BCL7A: variants seen among roughly 807,000 people sequenced by gnomAD.
BCL7A encodes BAF chromatin remodeling complex subunit BCL7A.
In BCL7A, 11 loss-of-function variants were observed where a neutral mutation model predicts 28.4. That is an observed-to-expected ratio of 0.39 (90% CI 0.24 to 0.64). BCL7A has a LOEUF of 0.64. Ranked by LOEUF, BCL7A falls within the 30% of genes least tolerant of loss-of-function variation. The probability of loss-of-function intolerance (pLI) is 0.50; values close to 1 mark genes in which losing one functional copy is unlikely to be tolerated. For missense variants in BCL7A, 222 were observed against 274.8 expected, an observed-to-expected ratio of 0.81 and a Z score of 1.36; for synonymous variants, 123 against 103.3, an observed-to-expected ratio of 1.19 and a Z score of -1.15.
At chr12:122,037,667 A>G (rs1014900483) in intron 3 of BCL7A, among the ~76,000 whole-genome samples, 1 of 151,732 alleles carries the variant, frequency 6.6e-6, no homozygotes, top group Admixed American at 6.6e-5. Context: ...AATACAAACA[A>G]TGGGTGCGGT....
chr12:122,023,200 G>C (rs1883514664), intron 1 of BCL7A, among the ~76,000 whole-genome samples: 1 of 152,184 alleles, frequency 6.6e-6, no homozygotes, highest in Non-Finnish European at 1.5e-5. Context: ...CGCCAGGTTG[G>C]GTCAGAGTTG....
At chr12:122,030,556 G>A (rs1883720791) in intron 1 of BCL7A, 144 bp from the exon 2 acceptor site, 5 of 737,974 alleles carry the variant, frequency 6.8e-6, no homozygotes, top group Non-Finnish European at 1.2e-5. Context: ...GGCCTGCCCA[G>A]GGCCTCCCGC....
At chr12:122,041,320 G>A (rs1412194316) in intron 3 of BCL7A, among the ~76,000 whole-genome samples, 2 of 152,198 alleles carry the variant, frequency 1.3e-5, no homozygotes, top group Non-Finnish European at 2.9e-5. Context: ...CTTCTGCCCA[G>A]TGCCTGGCAT....
At position 122,022,089 on chromosome 12, in the gene BCL7A, A is replaced by G. The variant is rs1312995047; in HGVS notation, c.-3A>G. ...CCCCAGCCTCCGTCTCCCCGCCGGA[A>G]CCATGTCGGGCAGGTCGGTTCGAGC... On this transcript the variant is annotated 5_prime_UTR_variant, in exon 1 of 6. Transcript: ENST00000261822. The G allele has an allele frequency of 1.3e-6, 2 of 1,563,168 alleles. No individual in the cohort carries two copies. The highest frequency in any genetic ancestry group is 1.7e-6 in the Non-Finnish European group (2 of 1,153,376).
At chr12:122,030,297 C>T (rs76121995) in intron 1 of BCL7A, among the ~76,000 whole-genome samples, 3,081 of 152,306 alleles carry the variant, frequency 0.02, 90 homozygotes, top group African/African-American at 0.07. Context: ...GTGACGACTC[C>T]ACCCCCCATG....
chr12:122,027,339 C>T (rs1004519777), intron 1 of BCL7A, among the ~76,000 whole-genome samples: 1 of 152,316 alleles, frequency 6.6e-6, no homozygotes, highest in African/African-American at 2.4e-5. Context: ...ACTGTGCAGG[C>T]CAAACAAAAC....
rs141768211 is a variant in BCL7A at position 122,030,995 on chromosome 12, C to CG, written c.174+220dup. Among the ~76,000 whole-genome samples the CG allele has an allele frequency of 9.4e-3, 1,427 of 152,162 alleles. 18 individuals carry two copies. Among genetic ancestry groups the CG allele is most frequent in the African/African-American group, 0.031 (1,299 of 41,508 alleles). ...AGAGTCTGGCCCTCAGAGCGGTGGA[C>CG]GGGGGGATCCCGCAAGCTGTGTCTT... On this transcript the variant is annotated intron_variant, in intron 2 of 5. Coordinates refer to ENST00000261822, the MANE Select transcript of BCL7A (RefSeq NM_001024808.3).
intron 1 of BCL7A, among the ~76,000 whole-genome samples, chr12:122,022,408 C>A (rs900647485): frequency 1.4e-5 from 2 of 143,778 alleles, no homozygotes; most frequent in South Asian, 2.1e-4. Flanking sequence ...GCGCCTGTAG[C>A]CCACCTGGCG....
chr12:122,024,044 G>C (rs1593020345), intron 1 of BCL7A, among the ~76,000 whole-genome samples: 1 of 152,234 alleles, frequency 6.6e-6, no homozygotes, highest in East Asian at 1.9e-4. Flanking sequence ...TGCAGGGAGG[G>C]CAGATGGAGA....
intron 4 of BCL7A, among the ~76,000 whole-genome samples, chr12:122,050,069 C>T (rs1023224468): frequency 2.0e-5 from 3 of 152,096 alleles, no homozygotes; most frequent in Non-Finnish European, 2.9e-5. Context: ...CTCTGCCTCC[C>T]GGGTTCAACT....
chr12:122,051,040 G>A lies in BCL7A; in HGVS notation c.440-3765G>A, dbSNP rs942863295. On this transcript the variant is annotated intron_variant, in intron 4 of 5. Coordinates refer to ENST00000261822, the MANE Select transcript of BCL7A (RefSeq NM_001024808.3). ...CTGGTTTCTTTCTGGCCGTGGCCTTGTTTCTCCCACGTTGGGGGTGTGTGT... is the reference window on the plus strand; with the variant it reads ...CTGGTTTCTTTCTGGCCGTGGCCTTATTTCTCCCACGTTGGGGGTGTGTGT... 5.3e-5 allele frequency among the ~76,000 whole-genome samples: 8 copies of A among 152,216 alleles called. No individual in the cohort carries two copies. In the South Asian group the frequency reaches 1.7e-3, roughly 32 times the overall value.
intron 4 of BCL7A, among the ~76,000 whole-genome samples, chr12:122,047,568 A>G (rs1047754548): frequency 1.3e-5 from 2 of 151,524 alleles, no homozygotes; most frequent in Non-Finnish European, 2.9e-5. Context: ...ACTGTTGCCC[A>G]GGCTGGAGTG....
chr12:122,022,188 G>A lies in BCL7A; in HGVS notation c.92+5G>A, dbSNP rs779316139. ...GATCGAGAAAGTGCGCAAATGGTAA[G>A]CGGAGGCGCCCGCCGCCAGCCGCCT... On this transcript the variant is annotated splice_donor_5th_base_variant and intron_variant, in intron 1 of 5. Transcript: ENST00000261822. 7 of 1,475,380 alleles carry A rather than the reference G, an allele frequency of 4.7e-6. No individual in the cohort carries two copies. Among genetic ancestry groups the A allele is most frequent in the African/African-American group, 1.5e-5 (1 of 67,086 alleles). 91.4% of individuals were successfully genotyped at this position (1,475,380 alleles called of 1,614,324 possible). A position where few individuals can be genotyped will look rare whatever the true frequency, so the allele number is the denominator to read the frequency against.
rs377104621 is a variant in BCL7A, at chr12:122,054,934, G to C, written c.561+8G>C. ...ACGTCTGCAATCTCTCAGGTACCTC[G>C]CTCGAGGTCTCAGAGGGGCAGCCAG... On this transcript the variant is annotated splice_region_variant and intron_variant, in intron 5 of 5. Transcript: ENST00000261822. 7.4e-6 allele frequency: 12 copies of C among 1,614,182 alleles called. No individual in the cohort carries two copies. Among genetic ancestry groups the C allele is most frequent in the Non-Finnish European group, 1.0e-5 (12 of 1,180,026 alleles).
chr12:122,034,358 G>A (rs1306593882), intron 2 of BCL7A, among the ~76,000 whole-genome samples: 1 of 145,924 alleles, frequency 6.9e-6, no homozygotes, highest in Non-Finnish European at 1.5e-5. Context: ...TTGAATGAAT[G>A]TACCACGATT....
At chr12:122,023,896 G>T (rs986353948) in intron 1 of BCL7A, among the ~76,000 whole-genome samples, 8 of 152,174 alleles carry the variant, frequency 5.3e-5, no homozygotes, top group Admixed American at 5.2e-4. Context: ...TTCTGTCGCC[G>T]GCCTGGAGGT....
intron 1 of BCL7A, among the ~76,000 whole-genome samples, chr12:122,028,483 C>T (rs570356866): frequency 6.6e-6 from 1 of 152,050 alleles, no homozygotes; most frequent in East Asian, 1.9e-4. Context: ...GTCCAGGGCT[C>T]ATGAGTAATG....
At chr12:122,032,150 T>C (rs1281214467) in intron 2 of BCL7A, among the ~76,000 whole-genome samples, 1 of 152,198 alleles carries the variant, frequency 6.6e-6, no homozygotes, top group Non-Finnish European at 1.5e-5. Context: ...CCATCTTCAG[T>C]TATCTGCCCG....
At chr12:122,050,643 A>G (rs889574637) in intron 4 of BCL7A, among the ~76,000 whole-genome samples, 1 of 152,092 alleles carries the variant, frequency 6.6e-6, no homozygotes, top group Non-Finnish European at 1.5e-5. Flanking sequence ...TCACCTCCAC[A>G]CACCCTCCTA....
Sources: allele counts gnomAD v4.1 joint callset (sites outside exome capture counted in the v4.1 genomes callset), GRCh38; gene constraint gnomAD v4.1.1; transcripts MANE v1.5; gene names NCBI Gene and HGNC (gene_info 2026-07-23, HGNC 2026-07-21).